DNAH5: variants seen among roughly 807,000 people sequenced by gnomAD.
DNAH5 encodes the protein axonemal beta dynein heavy chain 5.
DNAH5 carries 372 observed loss-of-function variants against 518.2 expected under a neutral mutation model. The observed-to-expected ratio is 0.72, with a 90% CI of 0.66 to 0.78. DNAH5 has a LOEUF of 0.78. Ranked by LOEUF, DNAH5 falls within the 30% of genes least tolerant of loss-of-function variation. The pLI is 0.00. For missense variants in DNAH5, 5,523 were observed against 5,687.0 expected, an observed-to-expected ratio of 0.97 and a Z score of 0.93; for synonymous variants, 2,039 against 2,025.9, an observed-to-expected ratio of 1.01 and a Z score of -0.17.
intron 65 of DNAH5, 124 bp downstream of exon 65, chr5:13,750,954 G>A: frequency 2.7e-6 from 3 of 1,112,732 alleles, no homozygotes; most frequent in Non-Finnish European, 4.0e-6. Context: ...GAGATTAATG[G>A]AAAAAAACAC....
intron 65 of DNAH5, among the ~76,000 whole-genome samples, chr5:13,743,125 T>C (rs1748838271): frequency 6.6e-6 from 1 of 152,052 alleles, no homozygotes; most frequent in African/African-American, 2.4e-5. Flanking sequence ...ATCACAATAA[T>C]TTTATCCATA....
At chr5:13,908,327 T>C (rs1287488253) in intron 12 of DNAH5, among the ~76,000 whole-genome samples, 1 of 152,358 alleles carries the variant, frequency 6.6e-6, no homozygotes, top group East Asian at 1.9e-4. Context: ...AAAATCTCTA[T>C]GTATAAATTA....
chr5:13,916,268 T>C, intron 9 of DNAH5, 80 bp downstream of exon 9: 3 of 799,718 alleles, frequency 3.8e-6, no homozygotes, highest in Non-Finnish European at 6.6e-6. Context: ...ACTGAGCCAA[T>C]GTGGTAATTT....
chr5:13,816,696 T>A (rs767261750), intron 42 of DNAH5, among the ~76,000 whole-genome samples: 2 of 152,202 alleles, frequency 1.3e-5, no homozygotes, highest in Non-Finnish European at 2.9e-5. Context: ...ATTTCTAATA[T>A]GAGCACTTTT....
At chr5:13,991,173 T>A (rs1210047099) in intron 1 of DNAH5, among the ~76,000 whole-genome samples, 1 of 152,016 alleles carries the variant, frequency 6.6e-6, no homozygotes, top group East Asian at 1.9e-4. Flanking sequence ...GAAAACCACA[T>A]TGTGAAAAGA....
At chr5:13,950,165 C>T (rs1780267628) in intron 1 of DNAH5, among the ~76,000 whole-genome samples, 1 of 152,130 alleles carries the variant, frequency 6.6e-6, no homozygotes, top group African/African-American at 2.4e-5. Context: ...TGAGATGAGG[C>T]CTATCACTTA....
intron 33 of DNAH5, 41 bp from the exon 34 acceptor site, chr5:13,841,171 AT>A: frequency 1.4e-6 from 2 of 1,445,892 alleles, no homozygotes; most frequent in Non-Finnish European, 1.9e-6. Context: ...TGTATGGCAT[AT>A]TTATGTATTT....
At position 13,690,844 on chromosome 5, in the gene DNAH5, CTTTT is replaced by C. The variant is rs1405686141; in HGVS notation, c.*1136_*1139del. 2 of 152,106 alleles carry C rather than the reference CTTTT, an allele frequency of 1.3e-5. No individual in the cohort carries two copies. Among genetic ancestry groups the C allele is most frequent in the South Asian group, 2.1e-4 (1 of 4,822 alleles). 9.4% of individuals were successfully genotyped at this position (152,106 alleles called of 1,614,324 possible). On this transcript the variant is annotated 3_prime_UTR_variant, in exon 79 of 79. Coordinates refer to ENST00000265104, the MANE Select transcript of DNAH5 (RefSeq NM_001369.3). ...CTACGCACCGTCTAATATTTCTACC[CTTTT>C]TTTATTTTTTCTCCTGATCATCACA...
chr5:13,808,885 G>C (rs1024369025), intron 46 of DNAH5, among the ~76,000 whole-genome samples, 159 bp downstream of exon 46: 1 of 152,014 alleles, frequency 6.6e-6, no homozygotes, highest in Non-Finnish European at 1.5e-5. Context: ...GCGTGAACCC[G>C]GGAGGTGGAG....
chr5:13,703,242 CAGG>C (rs1211390512), intron 76 of DNAH5, among the ~76,000 whole-genome samples: 1 of 152,170 alleles, frequency 6.6e-6, no homozygotes, highest in Non-Finnish European at 1.5e-5. Context: ...CCCTCAGGGC[CAGG>C]AGAAGAGGAG....
At chr5:13,945,765 G>C (rs1419041406), upstream of DNAH5, among the ~76,000 whole-genome samples, 2 of 151,944 alleles carry the variant, frequency 1.3e-5, no homozygotes, top group African/African-American at 2.4e-5. Flanking sequence ...GTCACAACAC[G>C]CGGCTAATTT....
intron 1 of DNAH5, among the ~76,000 whole-genome samples, chr5:13,963,888 A>G (rs75192521): frequency 0.05 from 7,538 of 152,036 alleles, 628 homozygotes; most frequent in African/African-American, 0.17. Context: ...CGTGATCTCT[A>G]TCCTCCTATC....
At chr5:13,965,438 T>A (rs987380860) in intron 1 of DNAH5, among the ~76,000 whole-genome samples, 5 of 152,176 alleles carry the variant, frequency 3.3e-5, no homozygotes, top group Non-Finnish European at 7.3e-5. Context: ...GAAAATCATG[T>A]TTTCATACCT....
chr5:13,934,240 C>T (rs12653156), intron 1 of DNAH5, among the ~76,000 whole-genome samples: 34,807 of 151,988 alleles, frequency 0.23, 4,680 homozygotes, highest in East Asian at 0.6. Flanking sequence ...TAGCTGACCC[C>T]AGCACCAACT....
At chr5:13,963,578 A>AAAATAAATAAATAAAT (rs148032042) in intron 1 of DNAH5, among the ~76,000 whole-genome samples, 3,920 of 150,528 alleles carry the variant, frequency 0.026, 64 homozygotes, top group East Asian at 0.046. Context: ...ACTCTATCTC[A>AAAATAAATAAATAAAT]AAATAAATAA....
intron 47 of DNAH5, among the ~76,000 whole-genome samples, chr5:13,796,359 A>G (rs544540866): frequency 1.4e-3 from 209 of 152,312 alleles, no homozygotes; most frequent in African/African-American, 4.7e-3. Context: ...AAGTCTCAGG[A>G]TACAAAAGCA....
Position 13,696,027 on chromosome 5 carries a change from C to A in DNAH5, c.13724-3892G>T, listed in dbSNP as rs113121295. 3.7e-3 allele frequency among the ~76,000 whole-genome samples: 563 copies of A among 152,230 alleles called. 5 individuals carry two copies. Among genetic ancestry groups the A allele is most frequent in the African/African-American group, 0.013 (530 of 41,544 alleles). On this transcript the variant is annotated intron_variant, in intron 78 of 78. Coordinates refer to ENST00000265104, the MANE Select transcript of DNAH5 (RefSeq NM_001369.3). The stretch of plus-strand genomic sequence containing the variant: ...GGCTCAGGAGCCAGGAGGTCTCTAC[C>A]CCTGGTCACCACATACGGCTATCCC...
intron 47 of DNAH5, among the ~76,000 whole-genome samples, chr5:13,796,988 G>A (rs1757923862): frequency 6.6e-6 from 1 of 152,162 alleles, no homozygotes. Flanking sequence ...TGGGAAAACT[G>A]GCTAGCCATA....
intron 78 of DNAH5, among the ~76,000 whole-genome samples, chr5:13,697,885 A>C (rs1579793049): frequency 6.6e-6 from 1 of 152,004 alleles, no homozygotes; most frequent in East Asian, 1.9e-4. Context: ...ATTATCTTAC[A>C]CTCAAACCAT....
Sources: allele counts gnomAD v4.1 joint callset (sites outside exome capture counted in the v4.1 genomes callset), GRCh38; gene constraint gnomAD v4.1.1; transcripts MANE v1.5; gene names NCBI Gene and HGNC (gene_info 2026-07-23, HGNC 2026-07-21).